The following RNF43 variants were observed in gnomAD, a reference collection of about 807,000 sequenced individuals.
RNF43 encodes ring finger protein 43, also known as E3 ubiquitin-protein ligase RNF43.
A neutral mutation model predicts 78.4 loss-of-function variants in RNF43; 37 were observed. The observed-to-expected ratio is 0.47, with a 90% confidence interval of 0.36 to 0.62. RNF43 has a LOEUF of 0.62. RNF43 is among the 20% of genes least tolerant of loss of function. RNF43 has a pLI of 0.00. For missense variants in RNF43, 774 were observed against 1,007.9 expected, an observed-to-expected ratio of 0.77 and a Z score of 3.14; for synonymous variants, 347 against 395.0, an observed-to-expected ratio of 0.88 and a Z score of 1.44.
intron 2 of RNF43, among the ~76,000 whole-genome samples, chr17:58,377,229 G>A (rs910629919): frequency 1.3e-5 from 2 of 152,128 alleles, no homozygotes; most frequent in East Asian, 3.9e-4. Flanking sequence ...TCAGTGCCTA[G>A]CAAAAAGCCT....
intron 2 of RNF43, among the ~76,000 whole-genome samples, chr17:58,399,919 C>T (rs1973759677): frequency 6.6e-6 from 1 of 152,054 alleles, no homozygotes; most frequent in Admixed American, 6.6e-5. Context: ...GGATTACAGG[C>T]GTGAGCCACC....
At chr17:58,397,302 C>T (rs910367636) in intron 2 of RNF43, among the ~76,000 whole-genome samples, 1 of 152,110 alleles carries the variant, frequency 6.6e-6, no homozygotes, top group African/African-American at 2.4e-5. Context: ...GATAATTCTA[C>T]CTAATTCTCA....
In RNF43 at chr17:58,415,727, T is replaced by G; in HGVS notation, c.-150A>C. 1.1e-6 allele frequency: 1 copy of G among 877,312 alleles called. No individual in the cohort carries two copies. The highest frequency in any genetic ancestry group is 1.7e-6 in the Non-Finnish European group (1 of 587,648). 54.3% of individuals were successfully genotyped at this position (877,312 alleles called of 1,614,324 possible). A position where few individuals can be genotyped will look rare whatever the true frequency, so the allele number is the denominator to read the frequency against. On this transcript the variant is annotated 5_prime_UTR_variant, in exon 2 of 10. Coordinates refer to ENST00000407977, the MANE Select transcript of RNF43 (RefSeq NM_017763.6). Reference sequence around the variant, plus strand: ...AGTCGTAGTTTTGGCCCTTCCTTTCTCTAAAGTTTATTCCCAAAAACAGGT... The same window carrying G: ...AGTCGTAGTTTTGGCCCTTCCTTTCGCTAAAGTTTATTCCCAAAAACAGGT...
intron 6 of RNF43, among the ~76,000 whole-genome samples, chr17:58,361,960 T>C (rs1053825659): frequency 6.6e-6 from 1 of 151,972 alleles, no homozygotes; most frequent in African/African-American, 2.4e-5. Flanking sequence ...ATACAAAAAT[T>C]AGTAGCTCCC....
chr17:58,372,325 G>A (rs1320650274), intron 2 of RNF43, among the ~76,000 whole-genome samples: 1 of 152,176 alleles, frequency 6.6e-6, no homozygotes, highest in Non-Finnish European at 1.5e-5. Context: ...TCTGGGCAGG[G>A]GGTGTTGAGA....
At chr17:58,356,079 T>C (rs532740161) in intron 9 of RNF43, among the ~76,000 whole-genome samples, 1 of 152,286 alleles carries the variant, frequency 6.6e-6, no homozygotes, top group Admixed American at 6.5e-5. Context: ...ACACACACAA[T>C]AGGGTCCGAA....
At chr17:58,385,180 T>C (rs983961082) in intron 2 of RNF43, among the ~76,000 whole-genome samples, 2 of 152,236 alleles carry the variant, frequency 1.3e-5, no homozygotes, top group Admixed American at 6.5e-5. Context: ...TTCCTAAAGA[T>C]GTACTCTCTG....
intron 2 of RNF43, among the ~76,000 whole-genome samples, chr17:58,406,990 T>G (rs999459152): frequency 9.9e-5 from 15 of 151,954 alleles, no homozygotes; most frequent in African/African-American, 3.6e-4. Context: ...TGACAGGGTA[T>G]TCTAGATTTA....
rs1288522277 is a variant in RNF43 at position 58,369,080 on chromosome 17, C to G, written c.375+1831G>C. On this transcript the variant is annotated intron_variant, in intron 3 of 9. Coordinates refer to ENST00000407977, the MANE Select transcript of RNF43 (RefSeq NM_017763.6). ...TCTCTCTCTCTCATACACACACACA[C>G]ACACACACACACGCACACACACACA... Among the ~76,000 whole-genome samples, 5 of 152,188 alleles carry G rather than the reference C, an allele frequency of 3.3e-5. 1 individual carries two copies. In the East Asian group the frequency reaches 5.8e-4, roughly 18 times the overall value.
chr17:58,409,454 A>G (rs186576153), intron 2 of RNF43, among the ~76,000 whole-genome samples: 193 of 152,368 alleles, frequency 1.3e-3, no homozygotes, highest in African/African-American at 4.4e-3. Flanking sequence ...GGAAAAAAAC[A>G]TTTAAAAAAT....
intron 2 of RNF43, among the ~76,000 whole-genome samples, chr17:58,372,324 G>C (rs1026680499): frequency 5.3e-5 from 8 of 152,172 alleles, no homozygotes; most frequent in Non-Finnish European, 1.0e-4. Flanking sequence ...CTCTGGGCAG[G>C]GGGTGTTGAG....
chr17:58,391,016 G>A (rs958337197), intron 2 of RNF43, among the ~76,000 whole-genome samples: 9 of 152,170 alleles, frequency 5.9e-5, no homozygotes, highest in Non-Finnish European at 1.2e-4. Context: ...GAAGGGCTCC[G>A]TTAGTAAGCA....
At chr17:58,406,465 A>C (rs1206551702) in intron 2 of RNF43, among the ~76,000 whole-genome samples, 1 of 152,196 alleles carries the variant, frequency 6.6e-6, no homozygotes. Context: ...CACAAATGGA[A>C]TATTCTGCCA....
At chr17:58,398,038 T>C (rs373338963) in intron 2 of RNF43, among the ~76,000 whole-genome samples, 28 of 152,344 alleles carry the variant, frequency 1.8e-4, no homozygotes, top group East Asian at 1.5e-3. Context: ...TCAGAGTGTA[T>C]ATTCAGGGCA....
At chr17:58,369,355 G>A (rs1052626157) in intron 3 of RNF43, among the ~76,000 whole-genome samples, 3 of 152,096 alleles carry the variant, frequency 2.0e-5, no homozygotes, top group Admixed American at 2.0e-4. Context: ...TTGTCAGCAC[G>A]GCCAGGCCAG....
chr17:58,360,725 C>T lies in RNF43; in HGVS notation c.849+58G>A, dbSNP rs1434808329. 6.5e-7 allele frequency: 1 copy of T among 1,529,054 alleles called. No individual in the cohort carries two copies. The highest frequency in any genetic ancestry group is 1.3e-5 in the South Asian group (1 of 78,120). 94.7% of individuals were successfully genotyped at this position (1,529,054 alleles called of 1,614,324 possible). A position where few individuals can be genotyped will look rare whatever the true frequency, so the allele number is the denominator to read the frequency against. ...CCAGCCCCTAGGCCTGCCCACCCCT[C>T]CCCCAGCTTCAATCTCCCCAGTCTG... On this transcript the variant is annotated intron_variant, in intron 7 of 9. Transcript: ENST00000407977. The surrounding 1 kb of genome is among the most constrained non-coding windows in gnomAD (Gnocchi z 4.3).
At position 58,357,990 on chromosome 17, in the gene RNF43, G is replaced by C. The variant is rs149652555; in HGVS notation, c.1786C>G (p.Gln596Glu). 1 of 1,606,874 alleles carries C rather than the reference G, an allele frequency of 6.2e-7. No individual in the cohort carries two copies. Among genetic ancestry groups the C allele is most frequent in the African/African-American group, 1.3e-5 (1 of 74,642 alleles). ...GCTGAGTTGGATCTGGTGACTTGCT[G>C]ATCAGGAGAAGGTGGCTCTGGCTGG... ...QPQPEPPSPD[Q>E]QVTRSNSAAP... The change falls in exon 9 of 10, where the codon CAG becomes GAG. Residue 596 changes from glutamine (Q) to glutamate (E), a missense_variant. By Grantham distance (29) the Gln-to-Glu change is conservative. Coordinates refer to ENST00000407977, the MANE Select transcript of RNF43 (RefSeq NM_017763.6). This position sits in a 1 kb window ranked among gnomAD's most constrained non-coding sequence, Gnocchi z 4.5.
chr17:58,358,953 G>A lies in RNF43; in HGVS notation c.953-130C>T. The A allele has an allele frequency of 9.9e-7, 1 of 1,010,808 alleles. No individual in the cohort carries two copies. The highest frequency in any genetic ancestry group is 1.4e-6 in the Non-Finnish European group (1 of 729,144). The allele number at this position is 1,010,808 out of a possible 1,614,324, so 62.6% of individuals were successfully genotyped here. A position where few individuals can be genotyped will look rare whatever the true frequency, so the allele number is the denominator to read the frequency against. Reference sequence around the variant, plus strand: ...GTGAGCTCAGAGTTTGGGGGATCAAGGACGTGCCTAAGCTGCCTGTGCTCT... The same window carrying A: ...GTGAGCTCAGAGTTTGGGGGATCAAAGACGTGCCTAAGCTGCCTGTGCTCT... On this transcript the variant is annotated intron_variant, in intron 8 of 9. Coordinates refer to ENST00000407977, the MANE Select transcript of RNF43 (RefSeq NM_017763.6). This position sits in a 1 kb window ranked among gnomAD's most constrained non-coding sequence, Gnocchi z 6.2.
chr17:58,385,420 A>T (rs371671052), intron 2 of RNF43, among the ~76,000 whole-genome samples: 1 of 152,162 alleles, frequency 6.6e-6, no homozygotes, highest in African/African-American at 2.4e-5. Context: ...ATTTCAGTTA[A>T]CGGCACCACC....
Sources: gnomAD v4.1 joint callset for allele counts (sites outside exome capture counted in the v4.1 genomes callset) on GRCh38, gnomAD v4.1.1 for gene constraint, Gnocchi (gnomAD v3.1) non-coding constraint, MANE v1.5 for transcripts, NCBI Gene and HGNC (gene_info 2026-07-23, HGNC 2026-07-21) for gene names.